Variants in CACNA2D3 observed in about 807,000 individuals in gnomAD.
CACNA2D3 encodes calcium voltage-gated channel auxiliary subunit alpha2delta 3.
A neutral mutation model predicts 160.6 loss-of-function variants in CACNA2D3; 60 were observed. The observed-to-expected ratio is 0.37, with a 90% CI of 0.30 to 0.46. The LOEUF is 0.46. Ranked by LOEUF, CACNA2D3 falls within the 20% of genes least tolerant of loss-of-function variation. CACNA2D3 has a pLI of 1.00. For synonymous variants in CACNA2D3, 558 were observed against 492.9 expected, an observed-to-expected ratio of 1.13 and a Z score of -1.75; for missense variants, 1,205 against 1,365.0, an observed-to-expected ratio of 0.88 and a Z score of 1.85.
intron 32 of CACNA2D3, among the ~76,000 whole-genome samples, chr3:55,007,585 A>G (rs1052428587): frequency 1.3e-5 from 2 of 152,200 alleles, no homozygotes; most frequent in African/African-American, 4.8e-5. Flanking sequence ...ATCACATCTC[A>G]CTAGAGTGGA....
chr3:54,900,376 A>G (rs1969481), intron 27 of CACNA2D3, among the ~76,000 whole-genome samples: 66,354 of 152,014 alleles, frequency 0.44, 15,893 homozygotes, highest in East Asian at 0.8. Flanking sequence ...CCAAAATATT[A>G]TATGACTGAG....
At chr3:54,690,579 G>A (rs768922171) in intron 11 of CACNA2D3, among the ~76,000 whole-genome samples, 1 of 151,828 alleles carries the variant, frequency 6.6e-6, no homozygotes, top group African/African-American at 2.4e-5. Flanking sequence ...ATGTTATCTG[G>A]CTAGTGGTAT....
intron 9 of CACNA2D3, among the ~76,000 whole-genome samples, chr3:54,595,652 C>A (rs1702941240): frequency 6.6e-6 from 1 of 152,134 alleles, no homozygotes; most frequent in African/African-American, 2.4e-5. Context: ...ACAGCCTGCC[C>A]TCTTCCTGAG....
intron 5 of CACNA2D3, among the ~76,000 whole-genome samples, chr3:54,510,296 A>G (rs1701439941): frequency 6.6e-6 from 1 of 152,050 alleles, no homozygotes; most frequent in African/African-American, 2.4e-5. Flanking sequence ...TGAGTGGATT[A>G]CTTACCAACA....
intron 15 of CACNA2D3, among the ~76,000 whole-genome samples, chr3:54,838,227 G>C (rs531264576): frequency 1.3e-5 from 2 of 152,318 alleles, no homozygotes; most frequent in South Asian, 4.2e-4. Flanking sequence ...AGAGAAACTG[G>C]TGAACGTTTA....
intron 6 of CACNA2D3, among the ~76,000 whole-genome samples, chr3:54,566,540 ATGT>A (rs1445501411): frequency 6.6e-6 from 1 of 152,172 alleles, no homozygotes; most frequent in African/African-American, 2.4e-5. Flanking sequence ...ATTTAAAATG[ATGT>A]GGCTGGCTGA....
At chr3:54,711,571 T>G (rs1237021729) in intron 11 of CACNA2D3, among the ~76,000 whole-genome samples, 1 of 152,194 alleles carries the variant, frequency 6.6e-6, no homozygotes, top group African/African-American at 2.4e-5. Context: ...TGGCCAGAAA[T>G]GGGTCACATG....
chr3:54,645,961 G>T (rs1284257649), intron 11 of CACNA2D3, among the ~76,000 whole-genome samples: 2 of 151,940 alleles, frequency 1.3e-5, no homozygotes, highest in African/African-American at 4.8e-5. Context: ...TAGTGTTTAT[G>T]TCCTGTGTAA....
chr3:54,641,157 A>T (rs1273364405), intron 10 of CACNA2D3, among the ~76,000 whole-genome samples: 1 of 152,206 alleles, frequency 6.6e-6, no homozygotes, highest in Non-Finnish European at 1.5e-5. Context: ...CATATGCCTA[A>T]GTTGTGGTCA....
At chr3:54,648,949 C>T (rs535003748) in intron 11 of CACNA2D3, among the ~76,000 whole-genome samples, 1 of 152,274 alleles carries the variant, frequency 6.6e-6, no homozygotes, top group African/African-American at 2.4e-5. Context: ...GGATCCAACC[C>T]CATGACCCAA....
chr3:54,631,236 A>ACACACACACACACAC (rs1559532534), intron 10 of CACNA2D3, among the ~76,000 whole-genome samples: 1 of 151,516 alleles, frequency 6.6e-6, no homozygotes, highest in Admixed American at 6.6e-5. Flanking sequence ...ACACACACAC[A>ACACACACACACACAC]AAGATAAATG....
At chr3:54,149,665 G>A (rs1279655290) in intron 2 of CACNA2D3, among the ~76,000 whole-genome samples, 1 of 152,122 alleles carries the variant, frequency 6.6e-6, no homozygotes, top group Non-Finnish European at 1.5e-5. Context: ...GGTCTCATCA[G>A]CCAAACAAGG....
chr3:54,745,159 G>C (rs1445505447), intron 11 of CACNA2D3, among the ~76,000 whole-genome samples: 1 of 152,058 alleles, frequency 6.6e-6, no homozygotes, highest in Non-Finnish European at 1.5e-5. Flanking sequence ...AAGATGAGTG[G>C]GCAGAGAGAG....
At chr3:54,831,496 T>C (rs1230208968) in intron 14 of CACNA2D3, among the ~76,000 whole-genome samples, 1 of 152,226 alleles carries the variant, frequency 6.6e-6, no homozygotes, top group Non-Finnish European at 1.5e-5. Context: ...TAGCCACAGC[T>C]GCTCCCCACC....
At chr3:54,895,100 A>G (rs539124484) in intron 25 of CACNA2D3, among the ~76,000 whole-genome samples, 51 of 152,324 alleles carry the variant, frequency 3.3e-4, no homozygotes, top group African/African-American at 1.1e-3. Flanking sequence ...TTGACCTACA[A>G]TTACCTAGTT....
At chr3:54,652,275 A>C (rs1244946795) in intron 11 of CACNA2D3, among the ~76,000 whole-genome samples, 1 of 152,222 alleles carries the variant, frequency 6.6e-6, no homozygotes, top group Admixed American at 6.5e-5. Context: ...AGGGTAATGC[A>C]TTCATGCAAC....
intron 16 of CACNA2D3, among the ~76,000 whole-genome samples, chr3:54,843,735 T>C (rs1227633142): frequency 1.3e-5 from 2 of 152,168 alleles, no homozygotes; most frequent in African/African-American, 2.4e-5. Context: ...TGGAAATCTA[T>C]TGAATTAATA....
intron 5 of CACNA2D3, among the ~76,000 whole-genome samples, chr3:54,520,652 C>CTGTA (rs1701632782): frequency 6.6e-6 from 1 of 152,142 alleles, no homozygotes; most frequent in African/African-American, 2.4e-5. Flanking sequence ...TTAAAGTGTA[C>CTGTA]AATTCAGTGG....
At chr3:54,971,871 T>C (rs1355703674) in intron 29 of CACNA2D3, among the ~76,000 whole-genome samples, 1 of 152,208 alleles carries the variant, frequency 6.6e-6, no homozygotes, top group Non-Finnish European at 1.5e-5. Context: ...TGCCTCAGTT[T>C]TCTCAACTAT....
Sources: gnomAD v4.1 joint callset for allele counts (sites outside exome capture counted in the v4.1 genomes callset) on GRCh38, gnomAD v4.1.1 for gene constraint, MANE v1.5 for transcripts, NCBI Gene and HGNC (gene_info 2026-07-23, HGNC 2026-07-21) for gene names.